SHANK2: variants seen among roughly 807,000 people sequenced by gnomAD.
The protein encoded by SHANK2 is SH3 and multiple ankyrin repeat domains 2, also known as SH3 and multiple ankyrin repeat domains protein 2.
SHANK2 carries 43 observed loss-of-function variants against 133.7 expected under a neutral mutation model. That is an observed-to-expected ratio of 0.32 (90% CI 0.25 to 0.41). SHANK2 has a LOEUF of 0.41. Among genes scored for constraint, SHANK2 ranks in the 10% least tolerant of loss-of-function variants. SHANK2 has a pLI of 1.00. For synonymous variants in SHANK2, 1,017 were observed against 952.8 expected (o/e 1.07, Z -1.24); for missense variants, 1,994 against 2,235.8 (o/e 0.89, Z 2.18).
chr11:70,802,199 G>T (rs1383251465), intron 13 of SHANK2, among the ~76,000 whole-genome samples: 2 of 152,142 alleles, frequency 1.3e-5, no homozygotes, highest in African/African-American at 4.8e-5. Context: ...CAACACAGAC[G>T]ATGCTTTAAG....
At chr11:70,630,565 T>G (rs1205857910) in intron 17 of SHANK2, among the ~76,000 whole-genome samples, 1 of 152,172 alleles carries the variant, frequency 6.6e-6, no homozygotes, top group Non-Finnish European at 1.5e-5. Context: ...TGGGATGAGG[T>G]CATCCTGGAA....
At chr11:70,855,201 C>G (rs188606412) in intron 11 of SHANK2, among the ~76,000 whole-genome samples, 1 of 152,368 alleles carries the variant, frequency 6.6e-6, no homozygotes, top group African/African-American at 2.4e-5. Flanking sequence ...TGCACGTTCT[C>G]CTCCCTCATC....
At chr11:70,565,188 G>A (rs1026910505) in intron 17 of SHANK2, among the ~76,000 whole-genome samples, 2 of 151,588 alleles carry the variant, frequency 1.3e-5, no homozygotes, top group East Asian at 1.9e-4. Context: ...TTTGTTCTGG[G>A]TGTAGTTAAG....
intron 17 of SHANK2, among the ~76,000 whole-genome samples, chr11:70,534,237 C>T (rs2059515887): frequency 6.6e-6 from 1 of 152,190 alleles, no homozygotes; most frequent in Non-Finnish European, 1.5e-5. Flanking sequence ...GAAGGGGAAG[C>T]AAACACGTCC....
intron 17 of SHANK2, among the ~76,000 whole-genome samples, chr11:70,520,065 C>T (rs2059312400): frequency 6.6e-6 from 1 of 152,036 alleles, no homozygotes; most frequent in African/African-American, 2.4e-5. Flanking sequence ...TGTTTTTAAA[C>T]AAATCTTTTA....
intron 1 of SHANK2, among the ~76,000 whole-genome samples, chr11:71,230,085 C>G (rs556325740): frequency 6.6e-6 from 1 of 152,056 alleles, no homozygotes; most frequent in Non-Finnish European, 1.5e-5. Flanking sequence ...GTTAGGAGCT[C>G]GAGACTAGCC....
At chr11:71,202,958 T>C (rs1357607310) in intron 2 of SHANK2, among the ~76,000 whole-genome samples, 1 of 152,180 alleles carries the variant, frequency 6.6e-6, no homozygotes, top group African/African-American at 2.4e-5. Flanking sequence ...CTTTGACCCT[T>C]TTTCTCTGTT....
At chr11:71,090,088 C>CGTGTGT (rs1302645293) in intron 8 of SHANK2, among the ~76,000 whole-genome samples, 115 of 141,124 alleles carry the variant, frequency 8.1e-4, no homozygotes, top group African/African-American at 2.6e-3. Flanking sequence ...AGACACAGAA[C>CGTGTGT]GTGTGTGTGT....
Position 70,936,074 on chromosome 11 carries a change from CTG to C in SHANK2, c.1108-39509_1108-39508del, listed in dbSNP as rs58553564. Among the ~76,000 whole-genome samples the C allele has an allele frequency of 3.7e-3, 559 of 152,342 alleles. 4 individuals are homozygous for C. The highest frequency in any genetic ancestry group is 0.013 in the African/African-American group (521 of 41,584). On this transcript the variant is annotated intron_variant, in intron 10 of 25. Transcript: ENST00000601538. The stretch of plus-strand genomic sequence containing the variant: ...TTGGCCACATTAATGTCTCAGCTGA[CTG>C]AGATTTCTCTTTCTCAAGTAAACAC...
chr11:70,712,801 C>G (rs1945820727), intron 14 of SHANK2, among the ~76,000 whole-genome samples: 1 of 152,238 alleles, frequency 6.6e-6, no homozygotes. Flanking sequence ...GGGCCACGCT[C>G]CCCTTCCTGG....
At chr11:70,683,256 C>T (rs1365799857) in intron 15 of SHANK2, among the ~76,000 whole-genome samples, 5 of 152,136 alleles carry the variant, frequency 3.3e-5, no homozygotes, top group East Asian at 1.9e-4. Flanking sequence ...GGGATTCCAC[C>T]GTGCCTGGCC....
At chr11:71,193,467 A>G (rs1555115767) in intron 2 of SHANK2, among the ~76,000 whole-genome samples, 4 of 152,220 alleles carry the variant, frequency 2.6e-5, no homozygotes, top group Middle Eastern at 3.2e-3. Context: ...GGACGTGCAA[A>G]CATCTCATGA....
At chr11:70,560,337 G>T (rs1437401524) in intron 17 of SHANK2, among the ~76,000 whole-genome samples, 3 of 152,096 alleles carry the variant, frequency 2.0e-5, no homozygotes, top group African/African-American at 7.2e-5. Context: ...GATGTGCCAA[G>T]ACCTGTATAG....
chr11:70,755,803 C>T (rs1269765417), intron 14 of SHANK2, among the ~76,000 whole-genome samples: 3 of 152,234 alleles, frequency 2.0e-5, no homozygotes, highest in Admixed American at 6.5e-5. Context: ...CCTGGAACGC[C>T]GCGGCTTCCG....
intron 24 of SHANK2, among the ~76,000 whole-genome samples, chr11:70,488,016 C>G (rs1565531350): frequency 6.6e-6 from 1 of 152,228 alleles, no homozygotes; most frequent in Non-Finnish European, 1.5e-5. Context: ...GGCAGGAGGG[C>G]CCCTGACGCT....
chr11:70,813,023 C>T (rs1382285807), intron 12 of SHANK2, among the ~76,000 whole-genome samples: 6 of 152,114 alleles, frequency 3.9e-5, no homozygotes, highest in Admixed American at 1.3e-4. Context: ...CAGTCAGTTA[C>T]ACATTCATTC....
chr11:70,939,853 G>T (rs893088610), intron 10 of SHANK2, among the ~76,000 whole-genome samples: 1 of 152,142 alleles, frequency 6.6e-6, no homozygotes, highest in African/African-American at 2.4e-5. Context: ...TGAAGTTAAC[G>T]ATCTTCAGAT....
chr11:70,525,758 T>C (rs1430431054), intron 17 of SHANK2, among the ~76,000 whole-genome samples: 1 of 151,784 alleles, frequency 6.6e-6, no homozygotes, highest in Admixed American at 6.6e-5. Context: ...CAGAAGGGGA[T>C]CTCTGCTCTC....
Position 70,930,939 on chromosome 11 carries a change from C to T in SHANK2, c.1108-34372G>A, listed in dbSNP as rs1555082405. On this transcript the variant is annotated intron_variant, in intron 10 of 25. Transcript: ENST00000601538. ...GCCTCAGCCTCCAAAAGTGCTGGGA[C>T]TACAGGCATGAGTTACCATGCCCAC... is the stretch of plus-strand genomic sequence containing the variant. 2.0e-5 allele frequency among the ~76,000 whole-genome samples: 3 copies of T among 151,790 alleles called. No individual in the cohort carries two copies. In the South Asian group the frequency reaches 6.2e-4, roughly 32 times the overall value.
Sources: allele counts gnomAD v4.1 joint callset (sites outside exome capture counted in the v4.1 genomes callset), GRCh38; gene constraint gnomAD v4.1.1; transcripts MANE v1.5; gene names NCBI Gene and HGNC (gene_info 2026-07-23, HGNC 2026-07-21).